Variants in THSD7A observed in about 807,000 individuals in gnomAD.
THSD7A encodes the protein thrombospondin type-1 domain-containing protein 7A.
In THSD7A, 96 loss-of-function variants were observed where a neutral mutation model predicts 231.3. The ratio of observed to expected loss-of-function variants is 0.41; its 90% CI spans 0.35 to 0.49. THSD7A has a LOEUF of 0.49. THSD7A is among the 20% of genes least tolerant of loss of function. The probability of loss-of-function intolerance (pLI) is 0.05; values close to 1 mark genes in which losing one functional copy is unlikely to be tolerated. For synonymous variants in THSD7A, 940 were observed against 743.3 expected, an observed-to-expected ratio of 1.26 and a Z score of -4.30; for missense variants, 2,290 against 2,070.2, an observed-to-expected ratio of 1.11 and a Z score of -2.06.
At chr7:11,657,850 A>G (rs1156353036) in intron 1 of THSD7A, among the ~76,000 whole-genome samples, 1 of 151,780 alleles carries the variant, frequency 6.6e-6, no homozygotes, top group South Asian at 2.1e-4. Context: ...TGCAAGAATG[A>G]GCAGAAGGTA....
rs1282350197 is a variant in THSD7A, at chr7:11,447,242, G to A, written c.2788C>T (p.Arg930Cys). 5.6e-6 allele frequency: 9 copies of A among 1,612,934 alleles called. No individual in the cohort carries two copies. The highest frequency in any genetic ancestry group is 1.1e-5 in the South Asian group (1 of 91,060). ...CAATTATTCTTACCAACAAGAGTGCGCTTTCTGGTCCTAACTGCACCACAG... is the reference window on the plus strand; with the variant it reads ...CAATTATTCTTACCAACAAGAGTGCACTTTCTGGTCCTAACTGCACCACAG... ...GDCGAVRTRK[R>C]TLVGKSKKKE... Residue 930 changes from arginine to cysteine, a missense_variant, in exon 12 of 28, where the codon CGC becomes TGC. Arg to Cys is a radical substitution (Grantham distance 180). Coordinates refer to ENST00000423059, the MANE Select transcript of THSD7A (RefSeq NM_015204.3).
intron 1 of THSD7A, among the ~76,000 whole-genome samples, chr7:11,753,944 C>T (rs1215096652): frequency 6.6e-6 from 1 of 151,824 alleles, no homozygotes; most frequent in East Asian, 2.0e-4. Flanking sequence ...AAAACAACAG[C>T]AACAACAACA....
At chr7:11,604,986 A>G (rs921535165) in intron 2 of THSD7A, among the ~76,000 whole-genome samples, 4 of 151,896 alleles carry the variant, frequency 2.6e-5, no homozygotes, top group East Asian at 3.9e-4. Context: ...TCATACACAC[A>G]TGGCCTTAAA....
intron 6 of THSD7A, among the ~76,000 whole-genome samples, chr7:11,495,522 G>A (rs918054200): frequency 1.3e-5 from 2 of 152,046 alleles, no homozygotes; most frequent in Admixed American, 1.3e-4. Context: ...AGTAGTTGGT[G>A]AACAGTTTCA....
At position 11,590,957 on chromosome 7, in the gene THSD7A, C is replaced by A. The variant is rs1780139084; in HGVS notation, c.1272-316G>T. ...TTCAATTAAGCTGAACCCAGGCTTG[C>A]CCTTTCTTGTTGCCTATAAACAAAG... On this transcript the variant is annotated intron_variant, in intron 3 of 27. Transcript: ENST00000423059. The surrounding 1 kb of genome is among the most constrained non-coding windows in gnomAD (Gnocchi z 4.4). Among the ~76,000 whole-genome samples, 1 of 152,064 alleles carries A rather than the reference C, an allele frequency of 6.6e-6. No homozygotes were observed. Among genetic ancestry groups the A allele is most frequent in the Admixed American group, 6.5e-5 (1 of 15,276 alleles).
At chr7:11,546,406 C>T (rs1437946570) in intron 4 of THSD7A, among the ~76,000 whole-genome samples, 1 of 152,110 alleles carries the variant, frequency 6.6e-6, no homozygotes, top group African/African-American at 2.4e-5. Context: ...CCTTGAGGGG[C>T]CAGAGAACAA....
At chr7:11,798,462 C>T (rs1297926748) in intron 1 of THSD7A, among the ~76,000 whole-genome samples, 1 of 149,808 alleles carries the variant, frequency 6.7e-6, no homozygotes, top group African/African-American at 2.5e-5. Context: ...CAGAGTGAGA[C>T]GCTATCTCCA....
intron 6 of THSD7A, among the ~76,000 whole-genome samples, chr7:11,503,251 C>A (rs1583862091): frequency 6.6e-6 from 1 of 152,160 alleles, no homozygotes; most frequent in African/African-American, 2.4e-5. Flanking sequence ...CAATAACTGG[C>A]TAGCCATATG....
intron 4 of THSD7A, among the ~76,000 whole-genome samples, chr7:11,550,402 C>CT (rs1554335940): frequency 6.6e-6 from 1 of 152,116 alleles, no homozygotes; most frequent in Non-Finnish European, 1.5e-5. Flanking sequence ...TCTGTGTCCC[C>CT]ACCCAAATCT....
intron 1 of THSD7A, among the ~76,000 whole-genome samples, chr7:11,689,027 T>C (rs1780152071): frequency 6.6e-6 from 1 of 151,914 alleles, no homozygotes; most frequent in Admixed American, 6.6e-5. Flanking sequence ...AAAAAACATT[T>C]GCAAGTTTTC....
rs143216895 is a variant in THSD7A, at chr7:11,792,383, T to C, written c.190+39374A>G. Among the ~76,000 whole-genome samples the C allele has an allele frequency of 2.0e-4, 31 of 152,142 alleles. No individual in the cohort carries two copies. The East Asian group carries it at 5.4e-3, about 27-fold the overall frequency. On this transcript the variant is annotated intron_variant, in intron 1 of 27. Coordinates refer to ENST00000423059, the MANE Select transcript of THSD7A (RefSeq NM_015204.3). ...GATGGCTGCCCGTTGCAAACTGCTT[T>C]TCATGGTACATGAGTCCTTAATCAT... is the stretch of plus-strand genomic sequence containing the variant.
At chr7:11,449,617 T>C (rs558463771) in intron 11 of THSD7A, among the ~76,000 whole-genome samples, 10 of 151,954 alleles carry the variant, frequency 6.6e-5, no homozygotes, top group Admixed American at 4.6e-4. Flanking sequence ...GTACAGGGAA[T>C]AGATAAAAAA....
chr7:11,781,426 G>T (rs1158672904), intron 1 of THSD7A, among the ~76,000 whole-genome samples: 1 of 151,986 alleles, frequency 6.6e-6, no homozygotes. Flanking sequence ...TGCCTGGGTG[G>T]CAGAACAAGA....
At chr7:11,407,653 ATGTATTGTTT>A (rs1562585839) in intron 19 of THSD7A, among the ~76,000 whole-genome samples, 1 of 152,216 alleles carries the variant, frequency 6.6e-6, no homozygotes, top group Non-Finnish European at 1.5e-5. Context: ...ATCTATACTT[ATGTATTGTTT>A]AAGTGTTTTC....
At chr7:11,649,158 C>G (rs1782398334) in intron 1 of THSD7A, among the ~76,000 whole-genome samples, 1 of 151,986 alleles carries the variant, frequency 6.6e-6, no homozygotes, top group Non-Finnish European at 1.5e-5. Context: ...GGGAAGCCAT[C>G]TATGATGTCA....
chr7:11,624,333 T>C (rs1781411774), intron 2 of THSD7A, among the ~76,000 whole-genome samples: 1 of 152,160 alleles, frequency 6.6e-6, no homozygotes, highest in African/African-American at 2.4e-5. Flanking sequence ...CTCAGTTTAC[T>C]GAAGAAAAGG....
intron 2 of THSD7A, among the ~76,000 whole-genome samples, chr7:11,611,865 T>C (rs1194732097): frequency 6.6e-6 from 1 of 150,920 alleles, no homozygotes; most frequent in Non-Finnish European, 1.5e-5. Flanking sequence ...TATCTATCTA[T>C]CTATCTATCT....
At position 11,779,424 on chromosome 7, in the gene THSD7A, G is replaced by A. The variant is rs769590227; in HGVS notation, c.190+52333C>T. Among the ~76,000 whole-genome samples, 30 of 152,142 alleles carry A rather than the reference G, an allele frequency of 2.0e-4. No homozygotes were observed. The Middle Eastern group carries it at 0.014, about 69-fold the overall frequency. On this transcript the variant is annotated intron_variant, in intron 1 of 27. Transcript: ENST00000423059. ...ACATCCAAGTTTCCAACTCCTTTCT[G>A]GATATTTTTATCCAAATCTCTTTGT...
intron 4 of THSD7A, among the ~76,000 whole-genome samples, chr7:11,586,901 G>C (rs140734841): frequency 2.0e-5 from 3 of 152,146 alleles, no homozygotes; most frequent in Non-Finnish European, 4.4e-5. Flanking sequence ...TATCTAGGCT[G>C]TCTTTCTTAA....
Sources: allele counts gnomAD v4.1 joint callset (sites outside exome capture counted in the v4.1 genomes callset), GRCh38; gene constraint gnomAD v4.1.1; non-coding constraint Gnocchi (gnomAD v3.1); transcripts MANE v1.5; gene names NCBI Gene and HGNC (gene_info 2026-07-23, HGNC 2026-07-21).